The following PAX7 variants were observed in gnomAD, a reference collection of about 807,000 sequenced individuals.
PAX7 encodes paired box protein Pax-7.
In PAX7, 18 loss-of-function variants were observed where a neutral mutation model predicts 50.7. The observed-to-expected ratio is 0.36, with a 90% CI of 0.25 to 0.53. The LOEUF (loss-of-function observed/expected upper bound fraction) is 0.53. Among genes scored for constraint, PAX7 ranks in the 20% least tolerant of loss-of-function variants. The pLI is 0.93. For missense variants in PAX7, 644 were observed against 702.9 expected (o/e 0.92, Z 0.95); for synonymous variants, 310 against 290.4 (o/e 1.07, Z -0.69).
chr1:18,731,761 A>C (rs2089649883), intron 7 of PAX7, among the ~76,000 whole-genome samples: 1 of 152,018 alleles, frequency 6.6e-6, no homozygotes, highest in Non-Finnish European at 1.5e-5. Flanking sequence ...CACCCTCCCC[A>C]GATGTGGATT....
chr1:18,714,246 A>G (rs2089390559), intron 7 of PAX7, among the ~76,000 whole-genome samples: 1 of 100,670 alleles, frequency 9.9e-6, no homozygotes, highest in Non-Finnish European at 2.3e-5. Flanking sequence ...AATATACAAA[A>G]ACAAATTCTA....
chr1:18,662,815 C>T (rs2088619244), intron 4 of PAX7, among the ~76,000 whole-genome samples: 1 of 152,084 alleles, frequency 6.6e-6, no homozygotes, highest in Admixed American at 6.6e-5. Flanking sequence ...TCAGGTGATC[C>T]TCCTGCCTTG....
chr1:18,658,375 C>T (rs1285864743), intron 4 of PAX7, among the ~76,000 whole-genome samples: 1 of 152,134 alleles, frequency 6.6e-6, no homozygotes, highest in African/African-American at 2.4e-5. Flanking sequence ...AGCTTCTGTT[C>T]CTTCCAGTGC....
chr1:18,652,829 C>T (rs2088454856), intron 4 of PAX7, among the ~76,000 whole-genome samples: 1 of 152,186 alleles, frequency 6.6e-6, no homozygotes, highest in Admixed American at 6.5e-5. Context: ...CCTCCCCTTG[C>T]CCACCTCTTG....
intron 7 of PAX7, among the ~76,000 whole-genome samples, chr1:18,725,326 C>T (rs1436713821): frequency 7.3e-5 from 11 of 151,454 alleles, no homozygotes; most frequent in Non-Finnish European, 1.5e-4. Context: ...CCACCAACAC[C>T]GCCAGGCCAG....
In PAX7 at chr1:18,700,254, G is replaced by C. The variant is rs567252657; in HGVS notation, c.787-399G>C. ...TGCAGATGCGTGGCTTCCTCCTGGG[G>C]GGCTTCCTGGAGGAGGTGGTCAAGC... On this transcript the variant is annotated intron_variant, in intron 5 of 8. Transcript: ENST00000420770. The surrounding 1 kb of genome is among the most constrained non-coding windows in gnomAD (Gnocchi z 4.8). Among the ~76,000 whole-genome samples, 57 of 152,124 alleles carry C rather than the reference G, an allele frequency of 3.7e-4. No homozygotes were observed. Among genetic ancestry groups the C allele is most frequent in the African/African-American group, 1.3e-3 (56 of 41,502 alleles).
intron 4 of PAX7, among the ~76,000 whole-genome samples, chr1:18,691,116 T>C (rs887799784): frequency 2.0e-5 from 3 of 152,190 alleles, no homozygotes; most frequent in Non-Finnish European, 4.4e-5. Flanking sequence ...TATCTGGGAC[T>C]ACAGGCATGC....
chr1:18,695,290 C>T (rs1474568977), intron 5 of PAX7, among the ~76,000 whole-genome samples: 7 of 152,158 alleles, frequency 4.6e-5, no homozygotes, highest in African/African-American at 7.2e-5. Flanking sequence ...AAACTCTGCC[C>T]GTTCTTGGCA....
intron 7 of PAX7, among the ~76,000 whole-genome samples, chr1:18,719,446 C>T (rs1447747699): frequency 6.6e-6 from 1 of 152,222 alleles, no homozygotes. Flanking sequence ...CGGAACCCAG[C>T]CCCTAGGCCC....
intron 4 of PAX7, among the ~76,000 whole-genome samples, chr1:18,686,499 C>A (rs1232907772): frequency 4.6e-5 from 7 of 152,128 alleles, no homozygotes; most frequent in Non-Finnish European, 1.5e-5. Flanking sequence ...CATGTTCACT[C>A]CCCCCACGTC....
intron 4 of PAX7, among the ~76,000 whole-genome samples, chr1:18,643,576 G>A (rs1267642050): frequency 3.3e-5 from 5 of 152,200 alleles, no homozygotes; most frequent in African/African-American, 1.2e-4. Flanking sequence ...AGGCGGATCA[G>A]GAGAGCCAGC....
chr1:18,693,969 A>C (rs1038499222), intron 5 of PAX7, among the ~76,000 whole-genome samples: 1 of 152,200 alleles, frequency 6.6e-6, no homozygotes, highest in African/African-American at 2.4e-5. Context: ...AGGCAAAGCC[A>C]TCCTGAGGGG....
intron 5 of PAX7, among the ~76,000 whole-genome samples, chr1:18,692,273 G>A (rs1046009375): frequency 4.0e-5 from 6 of 151,526 alleles, no homozygotes; most frequent in South Asian, 2.1e-4. Context: ...CAGGTGTGGT[G>A]GCTCACACCT....
intron 4 of PAX7, among the ~76,000 whole-genome samples, chr1:18,651,837 C>T (rs1382263121): frequency 2.0e-5 from 3 of 148,324 alleles, no homozygotes; most frequent in African/African-American, 7.5e-5. Context: ...CCCACCCCAC[C>T]GCCTCTTCAT....
At chr1:18,743,160 G>T (rs778640353) in intron 8 of PAX7, among the ~76,000 whole-genome samples, 1 of 152,224 alleles carries the variant, frequency 6.6e-6, no homozygotes, top group South Asian at 2.1e-4. Context: ...CACTTTGTAC[G>T]TATTTCTTCT....
chr1:18,671,409 T>G (rs1433409643), intron 4 of PAX7, among the ~76,000 whole-genome samples: 1 of 152,226 alleles, frequency 6.6e-6, no homozygotes, highest in African/African-American at 2.4e-5. Context: ...TTAGCAGAAC[T>G]GTACAATGCA....
chr1:18,631,532 G>A lies in PAX7; in HGVS notation c.-72G>A. ...CGAAGAAGACGGAAAGAAAGAGATC[G>A]CAGCAGGGGTGAAGGGAGCGGACGG... On this transcript the variant is annotated 5_prime_UTR_variant, in exon 1 of 9. Transcript: ENST00000420770. 3.3e-6 allele frequency: 4 copies of A among 1,220,826 alleles called. No individual in the cohort carries two copies. In the South Asian group the frequency reaches 5.1e-5, roughly 16 times the overall value. The allele number at this position is 1,220,826 out of a possible 1,614,324, so 75.6% of individuals were successfully genotyped here.
intron 7 of PAX7, among the ~76,000 whole-genome samples, chr1:18,728,424 G>A (rs2089606624): frequency 6.6e-6 from 1 of 152,124 alleles, no homozygotes; most frequent in African/African-American, 2.4e-5. Context: ...GTGTCTGGGT[G>A]TTTTTTGTGT....
chr1:18,715,437 ACATGAATTATCT>A (rs1225331254), intron 7 of PAX7, among the ~76,000 whole-genome samples: 2 of 152,278 alleles, frequency 1.3e-5, no homozygotes, highest in Admixed American at 6.5e-5. Flanking sequence ...TAAGTCAGCT[ACATGAATTATCT>A]CATTTAATCG....
Sources: allele counts gnomAD v4.1 joint callset (sites outside exome capture counted in the v4.1 genomes callset), GRCh38; gene constraint gnomAD v4.1.1; non-coding constraint Gnocchi (gnomAD v3.1); transcripts MANE v1.5; gene names NCBI Gene and HGNC (gene_info 2026-07-23, HGNC 2026-07-21).